NUDCD1: variants seen among roughly 807,000 people sequenced by gnomAD.
NUDCD1 encodes the protein NudC domain containing 1.
NUDCD1 carries 60 observed loss-of-function variants against 67.8 expected under a neutral mutation model. The observed-to-expected ratio is 0.88, with a 90% CI of 0.72 to 1.10. The LOEUF is 1.10. NUDCD1 is among the 50% of genes least tolerant of loss of function. The probability of loss-of-function intolerance (pLI) is 0.00; values close to 1 mark genes in which losing one functional copy is unlikely to be tolerated. For synonymous variants in NUDCD1, 244 were observed against 230.8 expected (o/e 1.06, Z -0.52); for missense variants, 643 against 695.0 (o/e 0.93, Z 0.84).
At chr8:109,330,003 G>C in intron 1 of NUDCD1, 1 of 1,006,470 alleles carries the variant, frequency 9.9e-7, no homozygotes, top group Non-Finnish European at 1.3e-6. Flanking sequence ...AGGAATCCCT[G>C]AGGAAGTAAC....
chr8:109,316,558 A>G (rs1815401451), intron 2 of NUDCD1: 1 of 152,234 alleles, frequency 6.6e-6, no homozygotes, highest in South Asian at 2.1e-4. Context: ...TAAAATGGAT[A>G]TTGGAAGAGC....
intron 2 of NUDCD1, among the ~76,000 whole-genome samples, chr8:109,311,559 GTA>G (rs1554617136): frequency 8.0e-6 from 1 of 125,108 alleles, no homozygotes. Context: ...AAACTGTGGT[GTA>G]TATATATATA....
At chr8:109,326,062 G>A (rs893236444) in intron 1 of NUDCD1, among the ~76,000 whole-genome samples, 1 of 152,192 alleles carries the variant, frequency 6.6e-6, no homozygotes, top group Non-Finnish European at 1.5e-5. Context: ...CAGGAAAACT[G>A]CATGGTAACA....
At chr8:109,280,405 C>T (rs1051675844) in intron 6 of NUDCD1, among the ~76,000 whole-genome samples, 4 of 152,320 alleles carry the variant, frequency 2.6e-5, no homozygotes, top group African/African-American at 9.6e-5. Flanking sequence ...ACCTCAGCAT[C>T]CCAAATGTTG....
At position 109,322,343 on chromosome 8, in the gene NUDCD1, G is replaced by T; in HGVS notation, c.239C>A (p.Thr80Asn). Residue 80 changes from threonine (T) to asparagine (N), a missense_variant, in exon 2 of 10, where the codon ACC becomes AAC. Coordinates refer to ENST00000239690, the MANE Select transcript of NUDCD1 (RefSeq NM_032869.4). ...WYQDSVYYIDTLGRIMNLTVM... is the reference protein window; with the variant it reads ...WYQDSVYYIDNLGRIMNLTVM... ...TGTTAAATTCATAATTCTTCCAAGG[G>T]TATCAATATAGTAGACACTGTCTTG... 2 of 1,560,096 alleles carry T rather than the reference G, an allele frequency of 1.3e-6. No individual in the cohort carries two copies. The highest frequency in any genetic ancestry group is 8.8e-7 in the Non-Finnish European group (1 of 1,136,446).
In NUDCD1 at chr8:109,255,155, C is replaced by T. The variant is rs374482131; in HGVS notation, c.1300-9674G>A. 1.8e-3 allele frequency among the ~76,000 whole-genome samples: 279 copies of T among 152,196 alleles called. 1 individual carries two copies. The highest frequency in any genetic ancestry group is 5.8e-3 in the South Asian group (28 of 4,822). On this transcript the variant is annotated intron_variant, in intron 8 of 9. Transcript: ENST00000239690. ...TGTTCTCCCAAAGTCCATTTTATAG[C>T]GACTATTAACCACCAGAATGTGTCC...
At chr8:109,300,590 G>A (rs1814962583) in intron 2 of NUDCD1, among the ~76,000 whole-genome samples, 1 of 152,090 alleles carries the variant, frequency 6.6e-6, no homozygotes, top group South Asian at 2.1e-4. Context: ...CCTCCAAGAA[G>A]TCTGGGATTA....
intron 1 of NUDCD1, among the ~76,000 whole-genome samples, chr8:109,330,554 T>A (rs1370751139): frequency 2.6e-5 from 4 of 152,218 alleles, no homozygotes; most frequent in Admixed American, 2.6e-4. Context: ...TCATGTGAAC[T>A]ATTGCAAAAG....
At chr8:109,302,495 C>T (rs1215638029) in intron 2 of NUDCD1, among the ~76,000 whole-genome samples, 5 of 152,072 alleles carry the variant, frequency 3.3e-5, no homozygotes, top group African/African-American at 9.7e-5. Flanking sequence ...CTGTGCCTCG[C>T]CAGGCCAAGC....
intron 2 of NUDCD1, among the ~76,000 whole-genome samples, chr8:109,321,241 C>T (rs1382796664): frequency 6.6e-6 from 1 of 152,018 alleles, no homozygotes; most frequent in Non-Finnish European, 1.5e-5. Flanking sequence ...CTGTTTGAAG[C>T]AAATATATTA....
chr8:109,313,117 T>C (rs950352437), intron 2 of NUDCD1, among the ~76,000 whole-genome samples: 4 of 152,324 alleles, frequency 2.6e-5, no homozygotes, highest in East Asian at 1.9e-4. Flanking sequence ...CCAAACCTTC[T>C]AACAGCATCC....
At chr8:109,316,327 G>C (rs1056655538) in intron 2 of NUDCD1, 4 of 152,086 alleles carry the variant, frequency 2.6e-5, no homozygotes, top group African/African-American at 9.7e-5. Flanking sequence ...TTATAAACCA[G>C]TATGTAGACC....
intron 9 of NUDCD1, among the ~76,000 whole-genome samples, chr8:109,243,872 G>A (rs1232433371): frequency 6.6e-6 from 1 of 151,704 alleles, no homozygotes; most frequent in Admixed American, 6.6e-5. Flanking sequence ...GGATTTTTTT[G>A]TACTTTTAGC....
At chr8:109,283,925 T>G (rs1193502909) in intron 5 of NUDCD1, among the ~76,000 whole-genome samples, 1 of 148,120 alleles carries the variant, frequency 6.8e-6, no homozygotes, top group Non-Finnish European at 1.5e-5. Context: ...CACATAACAA[T>G]ATTAACCTTA....
chr8:109,293,958 C>T (rs1005115467), intron 3 of NUDCD1, among the ~76,000 whole-genome samples: 8 of 152,002 alleles, frequency 5.3e-5, no homozygotes, highest in African/African-American at 1.7e-4. Context: ...AATAAGTTAA[C>T]AAACTCTATT....
At chr8:109,257,680 A>C (rs1361172348) in intron 8 of NUDCD1, among the ~76,000 whole-genome samples, 1 of 152,152 alleles carries the variant, frequency 6.6e-6, no homozygotes, top group Non-Finnish European at 1.5e-5. Flanking sequence ...GTAACGCGAC[A>C]GTAATCAAGC....
chr8:109,330,948 AC>A, intron 1 of NUDCD1, among the ~76,000 whole-genome samples: 1 of 152,028 alleles, frequency 6.6e-6, no homozygotes, highest in African/African-American at 2.4e-5. Flanking sequence ...TGGGCTTAAT[AC>A]CTAGGTGATG....
chr8:109,329,809 C>T, intron 1 of NUDCD1: 2 of 1,550,646 alleles, frequency 1.3e-6, no homozygotes, highest in Non-Finnish European at 1.7e-6. Flanking sequence ...ACTTACCAGG[C>T]ATGCTCCAAC....
chr8:109,307,740 CTCACGA>C (rs1815144385), intron 2 of NUDCD1, among the ~76,000 whole-genome samples: 2 of 152,216 alleles, frequency 1.3e-5, no homozygotes, highest in South Asian at 4.1e-4. Context: ...CTTCAAGAGA[CTCACGA>C]TTCACATAAA....
Sources: gnomAD v4.1 joint callset for allele counts (sites outside exome capture counted in the v4.1 genomes callset) on GRCh38, gnomAD v4.1.1 for gene constraint, MANE v1.5 for transcripts, NCBI Gene and HGNC (gene_info 2026-07-23, HGNC 2026-07-21) for gene names.